Variants in CACNB2 observed in about 807,000 individuals in gnomAD.
CACNB2 encodes the protein calcium voltage-gated channel auxiliary subunit beta 2, also known as voltage-dependent L-type calcium channel subunit beta-2.
Under a neutral mutation model 73.3 loss-of-function variants are expected in CACNB2, and 42 were observed. The observed-to-expected ratio is 0.57, with a 90% confidence interval of 0.45 to 0.74. The LOEUF is 0.74. CACNB2 is among the 30% of genes least tolerant of loss of function. The pLI, the probability that CACNB2 is intolerant of heterozygous loss-of-function variation, is 0.00. For synonymous variants in CACNB2, 348 were observed against 310.3 expected, an observed-to-expected ratio of 1.12 and a Z score of -1.28; for missense variants, 940 against 853.0, an observed-to-expected ratio of 1.10 and a Z score of -1.27.
intron 2 of CACNB2, among the ~76,000 whole-genome samples, chr10:18,230,171 A>T (rs1032940019): frequency 6.6e-6 from 1 of 152,190 alleles, no homozygotes; most frequent in African/African-American, 2.4e-5. Context: ...AATGAGGGAG[A>T]CAGAGAGAGC....
At chr10:18,537,905 T>A (rs2053764094) in intron 12 of CACNB2, among the ~76,000 whole-genome samples, 1 of 152,246 alleles carries the variant, frequency 6.6e-6, no homozygotes, top group Admixed American at 6.5e-5. Context: ...TTTTCATTGC[T>A]GATTGATAGA....
chr10:18,222,238 A>C (rs1439985249), intron 2 of CACNB2, among the ~76,000 whole-genome samples: 1 of 152,180 alleles, frequency 6.6e-6, no homozygotes, highest in African/African-American at 2.4e-5. Flanking sequence ...ATTGTGTGAA[A>C]TTCTGTAGGA....
At position 18,359,295 on chromosome 10, in the gene CACNB2, A is replaced by C. The variant is rs183805980; in HGVS notation, c.214-42629A>C. On this transcript the variant is annotated intron_variant, in intron 2 of 13. Transcript: ENST00000324631. ...TTTGTTTGTTTGTTTGTTTTGACAC[A>C]GGGTCTCCTTCTGTCACCCAGGCTA... is the stretch of plus-strand genomic sequence containing the variant. 3.9e-5 allele frequency among the ~76,000 whole-genome samples: 6 copies of C among 152,258 alleles called. 1 individual carries two copies. In the East Asian group the frequency reaches 9.7e-4, roughly 25 times the overall value.
At chr10:18,483,849 A>T (rs1194122057) in intron 3 of CACNB2, among the ~76,000 whole-genome samples, 2 of 152,222 alleles carry the variant, frequency 1.3e-5, no homozygotes, top group Admixed American at 6.5e-5. Context: ...TTTAAATGCC[A>T]GCATCAGTTT....
intron 2 of CACNB2, chr10:18,261,972 G>C (rs369000861): frequency 1.9e-6 from 1 of 518,832 alleles, no homozygotes; most frequent in South Asian, 1.4e-5. Flanking sequence ...AATATGCTGT[G>C]CCTTACACTA....
intron 3 of CACNB2, among the ~76,000 whole-genome samples, chr10:18,437,784 C>T (rs1041896437): frequency 3.6e-4 from 55 of 152,166 alleles, no homozygotes; most frequent in African/African-American, 1.3e-3. Flanking sequence ...TTGGAATCTC[C>T]TTCTATTTGG....
intron 3 of CACNB2, among the ~76,000 whole-genome samples, chr10:18,460,568 C>A (rs1421511625): frequency 6.6e-6 from 1 of 151,904 alleles, no homozygotes; most frequent in African/African-American, 2.4e-5. Flanking sequence ...GTTAAAAAGT[C>A]TTTGAAACCC....
intron 2 of CACNB2, among the ~76,000 whole-genome samples, chr10:18,313,159 GA>G (rs2040024790): frequency 1.3e-5 from 2 of 151,356 alleles, no homozygotes; most frequent in Admixed American, 1.3e-4. Flanking sequence ...CCTTTAAGCA[GA>G]TATTTAGATA....
At chr10:18,142,551 G>A (rs2030532341) in intron 1 of CACNB2, among the ~76,000 whole-genome samples, 1 of 152,150 alleles carries the variant, frequency 6.6e-6, no homozygotes, top group African/African-American at 2.4e-5. Flanking sequence ...TCCATCAAAG[G>A]AAAGGACATT....
intron 1 of CACNB2, among the ~76,000 whole-genome samples, chr10:18,146,460 C>T (rs923421838): frequency 5.3e-5 from 8 of 149,676 alleles, no homozygotes; most frequent in Admixed American, 5.3e-4. Flanking sequence ...CAGGCACATG[C>T]CACCACGGCC....
chr10:18,380,452 CTTTTT>C (rs757792853), intron 2 of CACNB2, among the ~76,000 whole-genome samples: 1 of 111,014 alleles, frequency 9.0e-6, no homozygotes, highest in Non-Finnish European at 1.8e-5. Context: ...ATGTGTTTTT[CTTTTT>C]TTTTTTTTTT....
intron 2 of CACNB2, among the ~76,000 whole-genome samples, chr10:18,391,555 A>G (rs2043468438): frequency 6.6e-6 from 1 of 152,148 alleles, no homozygotes; most frequent in South Asian, 2.1e-4. Flanking sequence ...AAAAAAATCC[A>G]TCCTCGTGGG....
At chr10:18,499,881 G>T (rs974113349) in intron 4 of CACNB2, among the ~76,000 whole-genome samples, 1 of 151,894 alleles carries the variant, frequency 6.6e-6, no homozygotes, top group African/African-American at 2.4e-5. Flanking sequence ...GGAGGCCAGT[G>T]GATTGATTGA....
Position 18,359,248 on chromosome 10 carries a change from G to A in CACNB2, c.214-42676G>A, listed in dbSNP as rs1340793853. Among the ~76,000 whole-genome samples, 6 of 152,086 alleles carry A rather than the reference G, an allele frequency of 3.9e-5. No individual in the cohort carries two copies. The East Asian group carries it at 9.6e-4, about 24-fold the overall frequency. ...GATGTGGGAATGATATTTGGAGTTT[G>A]TGAGTAATGTTTGTTTTGTTTTTTG... On this transcript the variant is annotated intron_variant, in intron 2 of 13. Coordinates refer to ENST00000324631, the MANE Select transcript of CACNB2 (RefSeq NM_201596.3).
intron 2 of CACNB2, among the ~76,000 whole-genome samples, chr10:18,362,062 C>CA (rs1249607529): frequency 6.6e-6 from 1 of 152,166 alleles, no homozygotes; most frequent in Non-Finnish European, 1.5e-5. Flanking sequence ...CTCCTGGGCT[C>CA]AAGCAATCCT....
At chr10:18,449,401 A>G (rs184610087) in intron 3 of CACNB2, among the ~76,000 whole-genome samples, 34 of 152,284 alleles carry the variant, frequency 2.2e-4, no homozygotes, top group Non-Finnish European at 4.1e-4. Flanking sequence ...AATAAAAAAT[A>G]AAACACACAA....
At chr10:18,444,172 A>C (rs2046618740) in intron 3 of CACNB2, among the ~76,000 whole-genome samples, 2 of 152,110 alleles carry the variant, frequency 1.3e-5, no homozygotes, top group South Asian at 4.1e-4. Context: ...GGGGTGCCTT[A>C]GGGAGGTGAT....
At chr10:18,495,240 A>G (rs1287267101) in intron 3 of CACNB2, among the ~76,000 whole-genome samples, 43 of 149,480 alleles carry the variant, frequency 2.9e-4, no homozygotes, top group Admixed American at 1.6e-3. Flanking sequence ...TTTTTTAGAT[A>G]GAGTCTCACT....
In CACNB2 at chr10:18,538,291, C is replaced by A. The variant is rs765995635; in HGVS notation, c.1414C>A (p.Pro472Thr). 6.2e-7 allele frequency: 1 copy of A among 1,614,154 alleles called. No individual in the cohort carries two copies. The highest frequency in any genetic ancestry group is 2.2e-5 in the East Asian group (1 of 44,886). The part of the protein sequence containing the change: ...KATHPPSSSL[P>T]NPLLSRTLAT... Reference sequence around the variant, plus strand: ...CACCCATCCTCCCAGCAGTAGCCTCCCCAACCCTCTCCTTAGCCGTACATT... The same window carrying A: ...CACCCATCCTCCCAGCAGTAGCCTCACCAACCCTCTCCTTAGCCGTACATT... The change falls in exon 13 of 14, where the codon CCC becomes ACC. Residue 472 changes from proline to threonine, a missense_variant. By Grantham distance (38) the Pro-to-Thr change is conservative. Coordinates refer to ENST00000324631, the MANE Select transcript of CACNB2 (RefSeq NM_201596.3).
Sources: allele counts gnomAD v4.1 joint callset (sites outside exome capture counted in the v4.1 genomes callset), GRCh38; gene constraint gnomAD v4.1.1; transcripts MANE v1.5; gene names NCBI Gene and HGNC (gene_info 2026-07-23, HGNC 2026-07-21).